The following DPP10 variants were observed in gnomAD, a reference collection of about 807,000 sequenced individuals.
The protein encoded by DPP10 is inactive dipeptidyl peptidase 10.
In DPP10, 33 loss-of-function variants were observed where a neutral mutation model predicts 120.9. The observed-to-expected ratio is 0.27, with a 90% CI of 0.21 to 0.37. The LOEUF (loss-of-function observed/expected upper bound fraction) is 0.37. Among genes scored for constraint, DPP10 ranks in the 10% least tolerant of loss-of-function variants. DPP10 has a pLI of 1.00. For synonymous variants in DPP10, 337 were observed against 326.1 expected (o/e 1.03, Z -0.36); for missense variants, 816 against 942.8 (o/e 0.87, Z 1.76).
intron 3 of DPP10, among the ~76,000 whole-genome samples, chr2:115,387,019 ATCTT>A (rs915563948): frequency 2.6e-5 from 4 of 152,138 alleles, no homozygotes; most frequent in African/African-American, 7.2e-5. Flanking sequence ...GTCAGTATGT[ATCTT>A]TCTTTTCCGT....
chr2:115,692,148 T>G (rs1261442338), intron 7 of DPP10, among the ~76,000 whole-genome samples: 2 of 151,950 alleles, frequency 1.3e-5, no homozygotes, highest in Non-Finnish European at 2.9e-5. Flanking sequence ...GGGTTTTTTG[T>G]TTTTTGTTTT....
chr2:115,127,906 C>A (rs960812056), intron 1 of DPP10, among the ~76,000 whole-genome samples: 9 of 152,112 alleles, frequency 5.9e-5, no homozygotes, highest in East Asian at 1.9e-4. Context: ...ATACCTAGTT[C>A]ATGCGTTTAT....
At chr2:115,721,092 TA>T (rs952180841) in intron 7 of DPP10, among the ~76,000 whole-genome samples, 10 of 152,194 alleles carry the variant, frequency 6.6e-5, no homozygotes, top group Non-Finnish European at 1.5e-5. Flanking sequence ...TGGGAGATAC[TA>T]AAACATTGGC....
chr2:114,753,328 A>G (rs1295370968), intron 1 of DPP10, among the ~76,000 whole-genome samples: 1 of 152,166 alleles, frequency 6.6e-6, no homozygotes, highest in African/African-American at 2.4e-5. Context: ...AATGAGTTTA[A>G]TCAGTAACTA....
intron 1 of DPP10, among the ~76,000 whole-genome samples, chr2:115,306,942 A>T (rs1308227648): frequency 6.6e-6 from 1 of 152,068 alleles, no homozygotes; most frequent in East Asian, 1.9e-4. Flanking sequence ...TAACTTATTG[A>T]TTTATTGATT....
intron 5 of DPP10, among the ~76,000 whole-genome samples, chr2:115,580,504 G>A (rs1364683851): frequency 1.7e-5 from 1 of 57,600 alleles, no homozygotes; most frequent in African/African-American, 3.1e-5. Flanking sequence ...AATCCTCTCT[G>A]TCTCTGTGAC....
chr2:115,456,755 A>C (rs1053097814), intron 3 of DPP10, among the ~76,000 whole-genome samples: 2 of 152,132 alleles, frequency 1.3e-5, no homozygotes, highest in Non-Finnish European at 2.9e-5. Flanking sequence ...GTGGGAGCTA[A>C]ACAATGAGAA....
intron 1 of DPP10, among the ~76,000 whole-genome samples, chr2:114,975,092 T>G (rs887532737): frequency 6.8e-4 from 102 of 150,984 alleles, no homozygotes; most frequent in Non-Finnish European, 1.2e-3. Context: ...CCAGCTAGAG[T>G]GCAATGGCGC....
chr2:115,667,240 T>G, intron 5 of DPP10, among the ~76,000 whole-genome samples: 1 of 152,180 alleles, frequency 6.6e-6, no homozygotes, highest in East Asian at 1.9e-4. Context: ...TCCTTATAGA[T>G]TCTGGATATT....
chr2:115,275,958 C>T (rs538546736), intron 1 of DPP10, among the ~76,000 whole-genome samples: 2 of 152,168 alleles, frequency 1.3e-5, no homozygotes, highest in African/African-American at 4.8e-5. Flanking sequence ...GCCTCGGCCT[C>T]CCAAAGTGCT....
chr2:114,828,027 C>T lies in DPP10; in HGVS notation c.60+385189C>T, dbSNP rs544600068. Among the ~76,000 whole-genome samples the T allele has an allele frequency of 4.0e-5, 6 of 151,868 alleles. No individual in the cohort carries two copies. In the South Asian group the frequency reaches 6.3e-4, roughly 16 times the overall value. ...AAAAAACAGCATTTATTTATTTATT[C>T]ATTTTGTTGTTGTCAGAGTCAAAAT... On this transcript the variant is annotated intron_variant, in intron 1 of 25. Coordinates refer to ENST00000410059, the MANE Select transcript of DPP10 (RefSeq NM_020868.6).
intron 1 of DPP10, among the ~76,000 whole-genome samples, chr2:114,466,132 A>G (rs1366137692): frequency 1.3e-5 from 2 of 152,198 alleles, no homozygotes; most frequent in African/African-American, 2.4e-5. Context: ...TAAAAATCCC[A>G]TATGATTTAT....
At chr2:115,101,169 A>T (rs2048676700) in intron 1 of DPP10, among the ~76,000 whole-genome samples, 1 of 152,152 alleles carries the variant, frequency 6.6e-6, no homozygotes, top group African/African-American at 2.4e-5. Flanking sequence ...CTACCTGATT[A>T]CACATCATAG....
At position 115,483,191 on chromosome 2, in the gene DPP10, G is replaced by A. The variant is rs569730870; in HGVS notation, c.272-16319G>A. Among the ~76,000 whole-genome samples the A allele has an allele frequency of 3.3e-5, 5 of 151,968 alleles. No individual in the cohort carries two copies. In the East Asian group the frequency reaches 9.7e-4, roughly 29 times the overall value. ...TCATCATACTCAAGATCACTTTATT[G>A]GATACATACTCTGTGGAAGGTACTT... is the stretch of plus-strand genomic sequence containing the variant. On this transcript the variant is annotated intron_variant, in intron 3 of 25. Transcript: ENST00000410059.
chr2:115,444,522 G>A (rs746707878), intron 3 of DPP10, among the ~76,000 whole-genome samples: 2 of 152,146 alleles, frequency 1.3e-5, no homozygotes, highest in Admixed American at 1.3e-4. Flanking sequence ...GAAGTGCTGA[G>A]TCTTTCTCTG....
At chr2:114,479,272 C>T (rs368819643) in intron 1 of DPP10, among the ~76,000 whole-genome samples, 3 of 151,934 alleles carry the variant, frequency 2.0e-5, no homozygotes, top group African/African-American at 7.3e-5. Flanking sequence ...AGGCATAAAT[C>T]TTGAATTAGC....
chr2:115,218,653 G>A (rs2056966184), intron 1 of DPP10, among the ~76,000 whole-genome samples: 1 of 152,044 alleles, frequency 6.6e-6, no homozygotes, highest in East Asian at 1.9e-4. Flanking sequence ...TGAGTGAAAT[G>A]TGTGGCTCTC....
chr2:115,620,046 T>C (rs1282858475), intron 5 of DPP10, among the ~76,000 whole-genome samples: 2 of 152,224 alleles, frequency 1.3e-5, no homozygotes, highest in South Asian at 2.1e-4. Context: ...CCATGGCTGC[T>C]ATACTGATTG....
intron 1 of DPP10, among the ~76,000 whole-genome samples, chr2:114,601,452 C>G (rs901749896): frequency 6.6e-6 from 1 of 151,738 alleles, no homozygotes; most frequent in African/African-American, 2.4e-5. Context: ...TTGGATGTGG[C>G]TTTACAGTTG....
Sources: allele counts gnomAD v4.1 joint callset (sites outside exome capture counted in the v4.1 genomes callset), GRCh38; gene constraint gnomAD v4.1.1; transcripts MANE v1.5; gene names NCBI Gene and HGNC (gene_info 2026-07-23, HGNC 2026-07-21).